CCDC91: variants seen among roughly 807,000 people sequenced by gnomAD.
CCDC91 encodes coiled-coil domain-containing protein 91.
In CCDC91, 48 loss-of-function variants were observed where a neutral mutation model predicts 63.2. The observed-to-expected ratio is 0.76, with a 90% confidence interval of 0.60 to 0.97. The LOEUF (loss-of-function observed/expected upper bound fraction) is 0.97, where lower values mean the gene tolerates loss of function less well. CCDC91 is among the 50% of genes least tolerant of loss of function. CCDC91 has a pLI of 0.00. For synonymous variants in CCDC91, 167 were observed against 165.8 expected (o/e 1.01, Z -0.06); for missense variants, 500 against 494.6 (o/e 1.01, Z -0.10).
At chr12:28,412,023 A>G (rs1947349746) in intron 8 of CCDC91, among the ~76,000 whole-genome samples, 1 of 152,160 alleles carries the variant, frequency 6.6e-6, no homozygotes, top group African/African-American at 2.4e-5. Context: ...AAACATGGCA[A>G]ATATGTTTAG....
At chr12:28,385,764 G>C (rs1945560755) in intron 7 of CCDC91, among the ~76,000 whole-genome samples, 1 of 152,126 alleles carries the variant, frequency 6.6e-6, no homozygotes, top group Non-Finnish European at 1.5e-5. Context: ...AATCAGATCT[G>C]AAACAATGGG....
intron 12 of CCDC91, among the ~76,000 whole-genome samples, chr12:28,508,854 G>T (rs549217141): frequency 9.9e-4 from 150 of 151,954 alleles, no homozygotes; most frequent in Admixed American, 3.3e-3. Flanking sequence ...CCCATAAATT[G>T]TACTTCTGGG....
At chr12:28,377,493 T>A (rs1945022159) in intron 7 of CCDC91, among the ~76,000 whole-genome samples, 1 of 151,910 alleles carries the variant, frequency 6.6e-6, no homozygotes. Context: ...ATTATAACTG[T>A]ACTGATTTAA....
At chr12:28,280,075 A>G (rs376488855) in intron 3 of CCDC91, among the ~76,000 whole-genome samples, 3 of 152,254 alleles carry the variant, frequency 2.0e-5, no homozygotes, top group South Asian at 2.1e-4. Flanking sequence ...ATTTGTCTCA[A>G]AGGCACTCTG....
intron 3 of CCDC91, among the ~76,000 whole-genome samples, chr12:28,285,129 GA>G (rs767687895): frequency 9.9e-5 from 15 of 152,122 alleles, no homozygotes; most frequent in Non-Finnish European, 1.5e-4. Context: ...TGTAAAATGT[GA>G]AAATGGAGAG....
intron 6 of CCDC91, among the ~76,000 whole-genome samples, chr12:28,356,524 T>G (rs1004226328): frequency 1.2e-4 from 18 of 152,152 alleles, no homozygotes; most frequent in African/African-American, 4.3e-4. Flanking sequence ...TTATTTTGAT[T>G]TCTTGCCCCA....
intron 7 of CCDC91, among the ~76,000 whole-genome samples, chr12:28,374,727 A>G (rs1944839463): frequency 6.6e-6 from 1 of 152,120 alleles, no homozygotes; most frequent in African/African-American, 2.4e-5. Flanking sequence ...TGATTCACCT[A>G]GAAATAGTCC....
intron 1 of CCDC91, among the ~76,000 whole-genome samples, chr12:28,195,258 A>C (rs1941668348): frequency 6.6e-6 from 1 of 152,184 alleles, no homozygotes; most frequent in East Asian, 1.9e-4. Context: ...ACAATCCTTT[A>C]GCTACACAGA....
chr12:28,427,446 G>T (rs1157726050), intron 8 of CCDC91, among the ~76,000 whole-genome samples: 5 of 152,056 alleles, frequency 3.3e-5, no homozygotes, highest in African/African-American at 1.2e-4. Flanking sequence ...GGGATTCCTG[G>T]AGGGAAGACC....
At chr12:28,344,087 A>C (rs564876861) in intron 6 of CCDC91, among the ~76,000 whole-genome samples, 1 of 152,180 alleles carries the variant, frequency 6.6e-6, no homozygotes, top group South Asian at 2.1e-4. Flanking sequence ...ATTTTAACAA[A>C]AGGAAAAAAA....
chr12:28,237,715 G>T (rs1050169041), intron 1 of CCDC91, among the ~76,000 whole-genome samples: 5 of 152,178 alleles, frequency 3.3e-5, no homozygotes, highest in African/African-American at 1.2e-4. Context: ...ATAAATATCT[G>T]TTGTTTTCAG....
intron 6 of CCDC91, among the ~76,000 whole-genome samples, chr12:28,333,629 G>T (rs998878224): frequency 2.6e-5 from 4 of 151,780 alleles, no homozygotes; most frequent in African/African-American, 7.3e-5. Flanking sequence ...CTCTATCTTG[G>T]TATCTTTCTA....
At chr12:28,489,603 A>T (rs1951891832) in intron 12 of CCDC91, among the ~76,000 whole-genome samples, 1 of 151,950 alleles carries the variant, frequency 6.6e-6, no homozygotes. Context: ...AAGAAACAAA[A>T]TTATTGCCTG....
chr12:28,247,479 CAAA>C (rs71039885), intron 1 of CCDC91, among the ~76,000 whole-genome samples: 9 of 91,954 alleles, frequency 9.8e-5, no homozygotes, highest in Admixed American at 1.1e-4. Flanking sequence ...GACTCCGTCT[CAAA>C]AAAAAAAAAA....
intron 3 of CCDC91, among the ~76,000 whole-genome samples, chr12:28,298,093 A>G (rs1412663043): frequency 3.4e-5 from 5 of 147,520 alleles, no homozygotes; most frequent in Admixed American, 1.4e-4. Context: ...GGGAAATAAT[A>G]TGCTCTCTTT....
intron 12 of CCDC91, among the ~76,000 whole-genome samples, chr12:28,515,859 C>T (rs1044869618): frequency 1.3e-5 from 2 of 151,792 alleles, no homozygotes; most frequent in African/African-American, 4.8e-5. Flanking sequence ...CAGAATATTA[C>T]CAACATCCCG....
intron 12 of CCDC91, among the ~76,000 whole-genome samples, chr12:28,519,433 CTT>C (rs1294746160): frequency 2.0e-5 from 3 of 151,816 alleles, no homozygotes; most frequent in Non-Finnish European, 2.9e-5. Context: ...AAACTGTTGA[CTT>C]TTGTCAGTTC....
At chr12:28,405,081 C>A (rs1449417405) in intron 8 of CCDC91, among the ~76,000 whole-genome samples, 1 of 151,626 alleles carries the variant, frequency 6.6e-6, no homozygotes, top group Non-Finnish European at 1.5e-5. Context: ...TTTTTGGTTT[C>A]TATTTTTGTC....
intron 11 of CCDC91, among the ~76,000 whole-genome samples, chr12:28,463,952 C>T (rs1400203573): frequency 6.6e-6 from 1 of 152,070 alleles, no homozygotes; most frequent in Non-Finnish European, 1.5e-5. Flanking sequence ...ATATTGCTGA[C>T]AGAGACACTG....
Sources: gnomAD v4.1 joint callset for allele counts (sites outside exome capture counted in the v4.1 genomes callset) on GRCh38, gnomAD v4.1.1 for gene constraint, MANE v1.5 for transcripts, NCBI Gene and HGNC (gene_info 2026-07-23, HGNC 2026-07-21) for gene names.